AZIN1: variants seen among roughly 807,000 people sequenced by gnomAD.
The protein encoded by AZIN1 is antizyme inhibitor 1, also known as ornithine decarboxylase antizyme inhibitor.
AZIN1 carries 12 observed loss-of-function variants against 47.4 expected under a neutral mutation model. That is an observed-to-expected ratio of 0.25 (90% CI 0.16 to 0.41). AZIN1 has a LOEUF of 0.41. AZIN1 is among the 10% of genes least tolerant of loss of function. The pLI is 1.00. For synonymous variants in AZIN1, 155 were observed against 176.3 expected, an observed-to-expected ratio of 0.88 and a Z score of 0.96; for missense variants, 410 against 532.4, an observed-to-expected ratio of 0.77 and a Z score of 2.26.
chr8:102,836,222 T>C, intron 6 of AZIN1, 34 bp downstream of exon 6: 8 of 1,596,334 alleles, frequency 5.0e-6, no homozygotes, highest in Non-Finnish European at 6.0e-6. Context: ...CCATAAAATG[T>C]TCACAGCTTT....
At chr8:102,851,656 A>G (rs979807842) in intron 2 of AZIN1, among the ~76,000 whole-genome samples, 1 of 152,194 alleles carries the variant, frequency 6.6e-6, no homozygotes, top group African/African-American at 2.4e-5. Flanking sequence ...CAGTGGGCCA[A>G]GATCACGCCA....
chr8:102,843,614 G>A lies in AZIN1; in HGVS notation c.39C>T (p.Gly13=), dbSNP rs187162504. ...GFIDDANYSV[G]LLDEGTNLGN... is the part of the protein sequence containing the mutation. ...CAAGGTTTGTTCCTTCATCCAACAG[G>A]CCAACGGAGTAGTTTGCATCATCAA... is the stretch of plus-strand genomic sequence containing the variant. Residue 13 remains glycine, a synonymous_variant, in exon 3 of 12, where the codon GGC becomes GGT. Coordinates refer to ENST00000337198, the MANE Select transcript of AZIN1 (RefSeq NM_148174.4). The A allele has an allele frequency of 2.5e-6, 4 of 1,613,942 alleles. No individual in the cohort carries two copies. In the African/African-American group the frequency reaches 4.0e-5, roughly 16 times the overall value.
chr8:102,830,127 T>G, intron 9 of AZIN1, 191 bp from the exon 10 acceptor site: 2 of 477,122 alleles, frequency 4.2e-6, no homozygotes, highest in Non-Finnish European at 7.5e-6. Context: ...GGCTCATACC[T>G]GTAATCCTAG....
At chr8:102,856,853 T>A (rs1813325820) in intron 2 of AZIN1, among the ~76,000 whole-genome samples, 1 of 152,238 alleles carries the variant, frequency 6.6e-6, no homozygotes, top group African/African-American at 2.4e-5. Flanking sequence ...GCCACCTGGA[T>A]ATAGACTCTG....
At chr8:102,861,282 C>A (rs1813634317) in intron 1 of AZIN1, among the ~76,000 whole-genome samples, 2 of 152,094 alleles carry the variant, frequency 1.3e-5, no homozygotes, top group African/African-American at 2.4e-5. Context: ...GGCTGGAGTG[C>A]CCTGGTGAGA....
In AZIN1 at chr8:102,829,879, T is replaced by A. The variant is rs1811322227; in HGVS notation, c.962A>T (p.Tyr321Phe). The change falls in exon 10 of 12, where the codon TAT becomes TTT. Residue 321 changes from tyrosine to phenylalanine, a missense_variant. By Grantham distance (22) the Tyr-to-Phe change is conservative (BLOSUM62 3). Coordinates refer to ENST00000337198, the MANE Select transcript of AZIN1 (RefSeq NM_148174.4). ...AFMYYMNDGV[Y>F]GSFASKLSED... ...AGACAGTTTACTTGCAAAAGAACCA[T>A]AAACACCATCATTCATATAATACAT... The A allele has an allele frequency of 6.2e-7, 1 of 1,613,446 alleles. No homozygotes were observed. The highest frequency in any genetic ancestry group is 1.7e-5 in the Admixed American group (1 of 59,904).
rs571935997 is a variant in AZIN1, at chr8:102,833,460, G to A, written c.742-242C>T. Among the ~76,000 whole-genome samples the A allele has an allele frequency of 2.8e-5, 4 of 142,828 alleles. No individual in the cohort carries two copies. In the East Asian group the frequency reaches 5.9e-4, roughly 21 times the overall value. 93.7% of individuals were successfully genotyped at this position (142,828 alleles called of 152,430 possible). ...TAGCTCTAATAACAAATACCCACTG[G>A]TATTTGTTTTTGTTTTTTTTTAAGT... On this transcript the variant is annotated intron_variant, in intron 8 of 11. Transcript: ENST00000337198.
rs1812017729 is a variant in AZIN1 at position 102,839,169 on chromosome 8, T to G, written c.277-253A>C. 4.6e-5 allele frequency among the ~76,000 whole-genome samples: 7 copies of G among 152,138 alleles called. 1 individual carries two copies. The South Asian group carries it at 1.4e-3, about 31-fold the overall frequency. ...GTCACTGTGCCTAGCCAAACCAATA[T>G]TTTTATTTAAAAACATAAATAAATA... On this transcript the variant is annotated intron_variant, in intron 4 of 11. Coordinates refer to ENST00000337198, the MANE Select transcript of AZIN1 (RefSeq NM_148174.4).
At chr8:102,850,367 G>C (rs1812844210) in intron 2 of AZIN1, among the ~76,000 whole-genome samples, 1 of 152,150 alleles carries the variant, frequency 6.6e-6, no homozygotes, top group Admixed American at 6.5e-5. Context: ...TTAGCACCCA[G>C]CTCACAGCTT....
intron 1 of AZIN1, among the ~76,000 whole-genome samples, chr8:102,862,849 G>A (rs1813777302): frequency 6.6e-6 from 1 of 152,198 alleles, no homozygotes; most frequent in Non-Finnish European, 1.5e-5. Flanking sequence ...TCGGGTTTCT[G>A]AACCAGCAGC....
rs1234277891 is a variant in AZIN1 at position 102,834,745 on chromosome 8, A to C, written c.587T>G (p.Phe196Cys). The stretch of plus-strand genomic sequence containing the variant: ...TTCTTTGCAAGCACTCGAAACATGA[A>C]ATCTGAAACACATAGAATACTAAAT... ...ELDVQIIGVK[F>C]HVSSACKESQ... The change falls in exon 7 of 12, where the codon TTT (phenylalanine) becomes TGT (cysteine). Residue 196 changes from phenylalanine to cysteine, a missense_variant and splice_region_variant. Coordinates refer to ENST00000337198, the MANE Select transcript of AZIN1 (RefSeq NM_148174.4). The C allele has an allele frequency of 1.2e-6, 2 of 1,605,634 alleles. No homozygotes were observed. The highest frequency in any genetic ancestry group is 1.7e-5 in the Admixed American group (1 of 59,516).
intron 2 of AZIN1, 29 bp downstream of exon 2, chr8:102,857,984 T>C (rs1813400254): frequency 1.3e-5 from 5 of 398,806 alleles, no homozygotes; most frequent in African/African-American, 2.1e-5. Context: ...AAAGACCTCC[T>C]CCCCACCAAC....
chr8:102,853,964 G>A (rs907962908), intron 2 of AZIN1, among the ~76,000 whole-genome samples: 2 of 151,772 alleles, frequency 1.3e-5, no homozygotes, highest in Non-Finnish European at 2.9e-5. Context: ...TTTCCCTTGA[G>A]ACAGTCTTGC....
chr8:102,834,365 T>C, intron 7 of AZIN1, 102 bp from the exon 8 acceptor site: 1 of 888,754 alleles, frequency 1.1e-6, no homozygotes, highest in Non-Finnish European at 1.7e-6. Context: ...TGTTCTGATC[T>C]TTAGTACAGC....
At chr8:102,856,276 T>G (rs1813290479) in intron 2 of AZIN1, among the ~76,000 whole-genome samples, 2 of 152,146 alleles carry the variant, frequency 1.3e-5, no homozygotes, top group South Asian at 4.1e-4. Flanking sequence ...TTTAAAGAAG[T>G]TATATTTGTT....
chr8:102,860,504 C>A (rs1333614503), intron 1 of AZIN1, among the ~76,000 whole-genome samples: 4 of 152,054 alleles, frequency 2.6e-5, no homozygotes, highest in Non-Finnish European at 5.9e-5. Context: ...ACCTTGCGAT[C>A]CACCCACCTC....
chr8:102,841,805 T>TAA (rs1269379100), intron 3 of AZIN1, among the ~76,000 whole-genome samples: 1,247 of 114,300 alleles, frequency 0.011, 30 homozygotes, highest in African/African-American at 0.038. Flanking sequence ...TATATATATA[T>TAA]AAAAAAAAAA....
chr8:102,832,992 C>T, intron 9 of AZIN1, 64 bp downstream of exon 9: 1 of 1,407,738 alleles, frequency 7.1e-7, no homozygotes, highest in Non-Finnish European at 9.9e-7. Flanking sequence ...TGACCATCTG[C>T]TCATTTCCAG....
intron 2 of AZIN1, among the ~76,000 whole-genome samples, chr8:102,851,036 T>C (rs1812886852): frequency 1.3e-5 from 2 of 152,192 alleles, no homozygotes; most frequent in African/African-American, 4.8e-5. Context: ...TTAACACAAT[T>C]AGACTCCCTT....
Sources: allele counts gnomAD v4.1 joint callset (sites outside exome capture counted in the v4.1 genomes callset), GRCh38; gene constraint gnomAD v4.1.1; transcripts MANE v1.5; gene names NCBI Gene and HGNC (gene_info 2026-07-23, HGNC 2026-07-21).